The following BZW1 variants were observed in gnomAD, a reference collection of about 807,000 sequenced individuals.
BZW1 encodes the protein eIF5-mimic protein 2.
In BZW1, 3 loss-of-function variants were observed where a neutral mutation model predicts 54.1. The observed-to-expected ratio is 0.06, with a 90% CI of 0.03 to 0.14. The LOEUF (loss-of-function observed/expected upper bound fraction) is 0.14, where lower values mean the gene tolerates loss of function less well. Among genes scored for constraint, BZW1 ranks in the 10% least tolerant of loss-of-function variants. The pLI is 1.00. For missense variants in BZW1, 206 were observed against 491.7 expected (o/e 0.42, Z 5.50); for synonymous variants, 152 against 162.7 (o/e 0.93, Z 0.50).
rs2038694683 is a variant in BZW1, at chr2:200,826,397, ATAGATAGATATTTT to A, written c.*4221_*4234del. ...TATAGATAGATAGATAGATAGATAG[ATAGATAGATATTTT>A]TTTTTTTTTTTTTTTTTTTTTTTTT... On this transcript the variant is annotated 3_prime_UTR_variant, in exon 12 of 12. Transcript: ENST00000409600. 17 of 63,402 alleles carry A rather than the reference ATAGATAGATATTTT, an allele frequency of 2.7e-4. 2 individuals are homozygous for A. The highest frequency in any genetic ancestry group is 8.6e-4 in the African/African-American group (16 of 18,514). 3.9% of individuals were successfully genotyped at this position (63,402 alleles called of 1,614,324 possible). A position where few individuals can be genotyped will look rare whatever the true frequency, so the allele number is the denominator to read the frequency against.
At chr2:200,820,164 C>T (rs572057112) in intron 10 of BZW1, 44 bp downstream of exon 10, 3 of 1,430,460 alleles carry the variant, frequency 2.1e-6, no homozygotes, top group African/African-American at 2.9e-5. Flanking sequence ...TAATAAAAAC[C>T]CTTATAAACA....
At chr2:200,812,141 A>G (rs1026755215) in intron 1 of BZW1, 151 bp downstream of exon 1, 65 of 1,058,538 alleles carry the variant, frequency 6.1e-5, no homozygotes, top group Admixed American at 5.6e-4. Flanking sequence ...CTAGGGCCTG[A>G]AAGGCCGCCG....
rs1333629410 is a variant in BZW1 at position 200,826,406 on chromosome 2, TA to T, written c.*4229del. The T allele has an allele frequency of 1.5e-4, 10 of 68,002 alleles. No homozygotes were observed. The highest frequency in any genetic ancestry group is 4.2e-4 in the African/African-American group (6 of 14,440). The allele number at this position is 68,002 out of a possible 1,614,324, so 4.2% of individuals were successfully genotyped here. On this transcript the variant is annotated 3_prime_UTR_variant, in exon 12 of 12. Coordinates refer to ENST00000409600, the MANE Select transcript of BZW1 (RefSeq NM_001207067.2). ...ATAGATAGATAGATAGATAGATAGA[TA>T]TTTTTTTTTTTTTTTTTTTTTTTTT...
chr2:200,815,258 A>G (rs955632559), intron 2 of BZW1, 83 bp from the exon 3 acceptor site: 23 of 1,343,630 alleles, frequency 1.7e-5, no homozygotes, highest in African/African-American at 8.8e-5. Context: ...TTATTTAACA[A>G]TTGCATCTTC....
At chr2:200,819,231 A>C in intron 9 of BZW1, 2 of 231,826 alleles carry the variant, frequency 8.6e-6, no homozygotes, top group Non-Finnish European at 1.7e-5. Flanking sequence ...TCTACTAAAA[A>C]TCACAAAAAA....
intron 11 of BZW1, 78 bp downstream of exon 11, chr2:200,821,383 CTTCT>C: frequency 6.5e-7 from 1 of 1,542,456 alleles, no homozygotes; most frequent in South Asian, 1.2e-5. Context: ...CACATGCTTC[CTTCT>C]TTCTGATGCC....
At chr2:200,814,988 G>A (rs1389767921) in intron 2 of BZW1, among the ~76,000 whole-genome samples, 1 of 152,194 alleles carries the variant, frequency 6.6e-6, no homozygotes, top group Non-Finnish European at 1.5e-5. Flanking sequence ...TAAGGAAAAG[G>A]ATCAAGAGCT....
chr2:200,822,122 T>C lies in BZW1; in HGVS notation c.1229-25T>C, dbSNP rs566966408. On this transcript the variant is annotated intron_variant, in intron 11 of 11. Transcript: ENST00000409600. ...CTTTTGCCTTCTGATACATAATGTT[T>C]GACTGTTTTTTTCCCCTTTTCTAGA... 64 of 1,593,930 alleles carry C rather than the reference T, an allele frequency of 4.0e-5. 1 individual carries two copies. In the South Asian group the frequency reaches 6.8e-4, roughly 17 times the overall value.
intron 5 of BZW1, 98 bp from the exon 6 acceptor site, chr2:200,817,000 TCCCAGAGC>T (rs940371596): frequency 2.5e-5 from 34 of 1,348,006 alleles, no homozygotes; most frequent in Non-Finnish European, 3.2e-5. Flanking sequence ...GATGGTTAGA[TCCCAGAGC>T]CCACGTATTG....
rs1287067578 is a variant in BZW1 at position 200,812,103 on chromosome 2, G to A, written c.-11+113G>A. The A allele has an allele frequency of 7.7e-6, 5 of 652,466 alleles. No individual in the cohort carries two copies. In the African/African-American group the frequency reaches 9.4e-5, roughly 12 times the overall value. 40.4% of individuals were successfully genotyped at this position (652,466 alleles called of 1,614,324 possible). A position where few individuals can be genotyped will look rare whatever the true frequency, so the allele number is the denominator to read the frequency against. ...GGCCCGGCTTGGATGGGCCCGAACG[G>A]AGGTCGCCTCTTGAGGCCGGGCCGG... On this transcript the variant is annotated intron_variant, in intron 1 of 11. Transcript: ENST00000409600.
chr2:200,813,527 G>GT (rs2038167883), intron 2 of BZW1: 1 of 301,406 alleles, frequency 3.3e-6, no homozygotes, highest in African/African-American at 2.2e-5. Context: ...CGGTGTGAAG[G>GT]TAAAATATTT....
chr2:200,812,241 C>G, intron 1 of BZW1: 2 of 1,229,468 alleles, frequency 1.6e-6, no homozygotes, highest in South Asian at 8.2e-5. Flanking sequence ...AAGGCAGTGG[C>G]CGAGGCGGGC....
chr2:200,818,517 C>A, intron 8 of BZW1, 124 bp downstream of exon 8: 1 of 1,219,660 alleles, frequency 8.2e-7, no homozygotes, highest in Non-Finnish European at 1.1e-6. Flanking sequence ...TATACTGGAA[C>A]TTTGCCTCAT....
At chr2:200,821,833 G>C (rs1254236118) in intron 11 of BZW1, among the ~76,000 whole-genome samples, 1 of 152,186 alleles carries the variant, frequency 6.6e-6, no homozygotes, top group East Asian at 1.9e-4. Flanking sequence ...CACTTTGGGA[G>C]GCTGAGGCGA....
At chr2:200,813,483 A>G (rs1685349446) in intron 2 of BZW1, 2 of 503,912 alleles carry the variant, frequency 4.0e-6, no homozygotes, top group Non-Finnish European at 3.5e-6. Context: ...TTTAGTATCA[A>G]TATATCTCTA....
intron 3 of BZW1, 50 bp from the exon 4 acceptor site, chr2:200,815,617 A>G: frequency 6.3e-7 from 1 of 1,585,484 alleles, no homozygotes; most frequent in South Asian, 1.1e-5. Flanking sequence ...ACTTGTTAAA[A>G]TGGAGTGATT....
In BZW1 at chr2:200,818,249, T is replaced by C. The variant is rs2038366829; in HGVS notation, c.675T>C (p.Ser225=). 6.3e-7 allele frequency: 1 copy of C among 1,594,966 alleles called. No individual in the cohort carries two copies. Among genetic ancestry groups the C allele is most frequent in the Non-Finnish European group, 8.5e-7 (1 of 1,171,296 alleles). The change falls in exon 8 of 12, where the codon AGT becomes AGC. Residue 225 remains serine (S), a synonymous_variant. Coordinates refer to ENST00000409600, the MANE Select transcript of BZW1 (RefSeq NM_001207067.2). ...LMELFPANKQ[S]VEHFTKYFTE... ...AACTCTTTCCTGCCAATAAGCAAAG[T>C]GTTGAACACTTCACAAAATATTTTA...
At position 200,816,351 on chromosome 2, in the gene BZW1, C is replaced by T. The variant is rs749164133; in HGVS notation, c.363C>T (p.Tyr121=). 11 of 1,587,566 alleles carry T rather than the reference C, an allele frequency of 6.9e-6. No individual in the cohort carries two copies. In the African/African-American group the frequency reaches 1.2e-4, roughly 17 times the overall value. ...TTTTTAACAAGTTAATCAGGCGCTA[C>T]AAATACCTGGAGAAAGGTTTTGAAG... is the stretch of plus-strand genomic sequence containing the variant. The part of the protein sequence containing the change: ...AQVFNKLIRR[Y]KYLEKGFEDE... The change falls in exon 5 of 12, where the codon TAC becomes TAT. Residue 121 remains tyrosine, a synonymous_variant. Transcript: ENST00000409600.
In BZW1 at chr2:200,817,130, T is replaced by C; in HGVS notation, c.427T>C (p.Ser143Pro). The change falls in exon 6 of 12, where the codon TCA becomes CCA. Residue 143 changes from serine (S) to proline (P), a missense_variant. Around this residue, in one of 5 missense-constraint regions of BZW1, gnomAD observed 81 missense variants for 257.1 expected, o/e 0.32. Coordinates refer to ENST00000409600, the MANE Select transcript of BZW1 (RefSeq NM_001207067.2). ...KKLLLFLKGF[S>P]ESERNKLAML... is the part of the protein sequence containing the mutation. ...GCTGCTGCTGTTCTTGAAGGGTTTT[T>C]CAGAGTCGGAGAGGAACAAGCTAGC... 6.2e-7 allele frequency: 1 copy of C among 1,613,948 alleles called. No homozygotes were observed. The highest frequency in any genetic ancestry group is 1.3e-5 in the African/African-American group (1 of 75,068).
Sources: allele counts gnomAD v4.1 joint callset (sites outside exome capture counted in the v4.1 genomes callset), GRCh38; gene constraint gnomAD v4.1.1; regional missense constraint gnomAD v4.1.1; transcripts MANE v1.5; gene names NCBI Gene and HGNC (gene_info 2026-07-23, HGNC 2026-07-21).